The following BMERB1 variants were observed in gnomAD, a reference collection of about 807,000 sequenced individuals.
BMERB1 encodes bMERB domain containing 1.
Under a neutral mutation model 23.6 loss-of-function variants are expected in BMERB1, and 12 were observed. That is an observed-to-expected ratio of 0.51 (90% CI 0.33 to 0.82). BMERB1 has a LOEUF of 0.82. Among genes scored for constraint, BMERB1 ranks in the 40% least tolerant of loss-of-function variants. BMERB1 has a pLI of 0.03. For missense variants in BMERB1, 247 were observed against 255.4 expected (o/e 0.97, Z 0.22); for synonymous variants, 122 against 96.6 (o/e 1.26, Z -1.54).
In BMERB1 at chr16:15,587,485, T is replaced by C. The variant is rs1303506707; in HGVS notation, c.*656T>C. Reference sequence around the variant, plus strand: ...CAGTTCACATCAGGACAGCGTCCATTGTGCTCTCAGTCTGCCTCAGGTGTG... The same window carrying C: ...CAGTTCACATCAGGACAGCGTCCATCGTGCTCTCAGTCTGCCTCAGGTGTG... On this transcript the variant is annotated 3_prime_UTR_variant, in exon 6 of 6. Transcript: ENST00000300006. 1 of 427,470 alleles carries C rather than the reference T, an allele frequency of 2.3e-6. No homozygotes were observed. Among genetic ancestry groups the C allele is most frequent in the Non-Finnish European group, 4.8e-6 (1 of 210,030 alleles). The allele number at this position is 427,470 out of a possible 1,614,324, so 26.5% of individuals were successfully genotyped here. A position where few individuals can be genotyped will look rare whatever the true frequency, so the allele number is the denominator to read the frequency against.
chr16:15,542,869 G>A (rs1474768727), intron 2 of BMERB1, among the ~76,000 whole-genome samples: 2 of 152,108 alleles, frequency 1.3e-5, no homozygotes, highest in Non-Finnish European at 2.9e-5. Flanking sequence ...GGGCTGGGGT[G>A]AGTGCTTTTG....
chr16:15,514,897 G>A (rs996408610), intron 1 of BMERB1, among the ~76,000 whole-genome samples: 6 of 152,096 alleles, frequency 3.9e-5, no homozygotes, highest in Non-Finnish European at 8.8e-5. Context: ...TGGCTAACAT[G>A]GTAAACCCCG....
At chr16:15,478,944 A>G (rs2051296143) in intron 1 of BMERB1, among the ~76,000 whole-genome samples, 1 of 152,216 alleles carries the variant, frequency 6.6e-6, no homozygotes, top group Non-Finnish European at 1.5e-5. Flanking sequence ...GGTTGTCTCA[A>G]GGAAAAGCAC....
intron 2 of BMERB1, among the ~76,000 whole-genome samples, chr16:15,538,873 C>G (rs114523647): frequency 0.014 from 2,159 of 152,254 alleles, 57 homozygotes; most frequent in African/African-American, 0.051. Flanking sequence ...GTAGCTAAAA[C>G]AGCCCTAGAC....
intron 1 of BMERB1, among the ~76,000 whole-genome samples, chr16:15,440,888 TAAA>T (rs1488700713): frequency 2.0e-5 from 3 of 152,200 alleles, no homozygotes; most frequent in Non-Finnish European, 4.4e-5. Flanking sequence ...TAGGTCATAG[TAAA>T]TGTTTCATGG....
intron 3 of BMERB1, among the ~76,000 whole-genome samples, chr16:15,570,341 A>G (rs1286403902): frequency 6.6e-6 from 1 of 152,166 alleles, no homozygotes; most frequent in Non-Finnish European, 1.5e-5. Context: ...GTTCTTACTG[A>G]GCTACAAGTG....
intron 1 of BMERB1, among the ~76,000 whole-genome samples, chr16:15,457,442 C>A (rs1171273297): frequency 6.6e-6 from 1 of 152,132 alleles, no homozygotes; most frequent in Non-Finnish European, 1.5e-5. Context: ...CATGAATCTT[C>A]CAAATAATTG....
chr16:15,472,876 T>C (rs76422798), intron 1 of BMERB1, among the ~76,000 whole-genome samples: 1 of 151,566 alleles, frequency 6.6e-6, no homozygotes, highest in African/African-American at 2.4e-5. Context: ...TTTTTTTTTT[T>C]TGACATGGTC....
chr16:15,479,111 A>G (rs779767353), intron 1 of BMERB1, among the ~76,000 whole-genome samples: 4 of 152,236 alleles, frequency 2.6e-5, no homozygotes, highest in Non-Finnish European at 5.9e-5. Context: ...TGTCACTTCA[A>G]GGAAAACAAC....
rs893359891 is a variant in BMERB1, at chr16:15,451,080, C to G, written c.106+16321C>G. On this transcript the variant is annotated intron_variant, in intron 1 of 5. Transcript: ENST00000300006. Reference sequence around the variant, plus strand: ...TTTAAATTAGTTTAAGGGGGCGTAACCAGCATAAAAAAAATGAAATAGAAG... The same window carrying G: ...TTTAAATTAGTTTAAGGGGGCGTAAGCAGCATAAAAAAAATGAAATAGAAG... 4.6e-5 allele frequency among the ~76,000 whole-genome samples: 7 copies of G among 151,960 alleles called. No individual in the cohort carries two copies. In the East Asian group the frequency reaches 5.8e-4, roughly 13 times the overall value.
intron 2 of BMERB1, among the ~76,000 whole-genome samples, chr16:15,538,192 C>T (rs748582717): frequency 6.6e-6 from 1 of 152,188 alleles, no homozygotes; most frequent in Non-Finnish European, 1.5e-5. Context: ...TTGGCTCATG[C>T]CTGGAATCCC....
chr16:15,520,452 A>T (rs1203810543), intron 2 of BMERB1, among the ~76,000 whole-genome samples: 2 of 145,790 alleles, frequency 1.4e-5, no homozygotes, highest in Non-Finnish European at 3.0e-5. Context: ...ATTGAAACTG[A>T]CCCAATAGTC....
intron 2 of BMERB1, 114 bp downstream of exon 2, chr16:15,515,542 G>A (rs532824941): frequency 3.1e-5 from 42 of 1,371,910 alleles, no homozygotes; most frequent in Admixed American, 6.0e-5. Context: ...CATTATGCAC[G>A]TTTTTAAAAG....
At chr16:15,532,098 C>T (rs1418925591) in intron 2 of BMERB1, among the ~76,000 whole-genome samples, 3 of 152,136 alleles carry the variant, frequency 2.0e-5, no homozygotes, top group African/African-American at 4.8e-5. Context: ...CTTGTTGTCT[C>T]CTGGAATTCC....
rs78450851 is a variant in BMERB1 at position 15,523,547 on chromosome 16, A to G, written c.230+8119A>G. Among the ~76,000 whole-genome samples, 361 of 152,134 alleles carry G rather than the reference A, an allele frequency of 2.4e-3. 15 individuals carry two copies. The East Asian group carries it at 0.065, about 27-fold the overall frequency. ...CTTCCTATCACCTCTCTTGCATATC[A>G]CAGAGTCCATGGTCTCAGTCATCAA... is the stretch of plus-strand genomic sequence containing the variant. On this transcript the variant is annotated intron_variant, in intron 2 of 5. Transcript: ENST00000300006.
intron 2 of BMERB1, among the ~76,000 whole-genome samples, chr16:15,520,951 T>C (rs2051845497): frequency 6.6e-6 from 1 of 152,200 alleles, no homozygotes; most frequent in Non-Finnish European, 1.5e-5. Context: ...AGAGATGAGA[T>C]ACCAGACCCC....
chr16:15,475,256 G>A (rs1242063575), intron 1 of BMERB1, among the ~76,000 whole-genome samples: 1 of 152,132 alleles, frequency 6.6e-6, no homozygotes, highest in Admixed American at 6.5e-5. Flanking sequence ...TCCCCAATGG[G>A]TCCCACTGAC....
rs71152431 is a variant in BMERB1, at chr16:15,462,137, C to CTT, written c.106+27409_106+27410dup. 1.5e-3 allele frequency among the ~76,000 whole-genome samples: 87 copies of CTT among 56,978 alleles called. 18 individuals are homozygous for CTT. Among genetic ancestry groups the CTT allele is most frequent in the East Asian group, 4.5e-3 (8 of 1,786 alleles). 37.4% of individuals were successfully genotyped at this position (56,978 alleles called of 152,430 possible). A position where few individuals can be genotyped will look rare whatever the true frequency, so the allele number is the denominator to read the frequency against. ...ATTCAAAGTTAACTGGATGTCCTGCCTTTTTTTTTTTTTTTTTTTTTTTTT... is the reference window on the plus strand; with the variant it reads ...ATTCAAAGTTAACTGGATGTCCTGCCTTTTTTTTTTTTTTTTTTTTTTTTTTT... On this transcript the variant is annotated intron_variant, in intron 1 of 5. Transcript: ENST00000300006.
intron 4 of BMERB1, 79 bp downstream of exon 4, chr16:15,581,410 C>T (rs984375635): frequency 1.3e-5 from 15 of 1,192,656 alleles, no homozygotes; most frequent in Admixed American, 2.2e-5. Flanking sequence ...ATCTTCTGCT[C>T]CTGGGACTCA....
Sources: gnomAD v4.1 joint callset for allele counts (sites outside exome capture counted in the v4.1 genomes callset) on GRCh38, gnomAD v4.1.1 for gene constraint, MANE v1.5 for transcripts, NCBI Gene and HGNC (gene_info 2026-07-23, HGNC 2026-07-21) for gene names.